The following NDUFAF5 variants were observed in gnomAD, a reference collection of about 807,000 sequenced individuals.
NDUFAF5 encodes arginine-hydroxylase NDUFAF5, mitochondrial.
Under a neutral mutation model 48.9 loss-of-function variants are expected in NDUFAF5, and 34 were observed. The ratio of observed to expected loss-of-function variants is 0.70; its 90% CI spans 0.53 to 0.93. NDUFAF5 has a LOEUF of 0.93. Ranked by LOEUF, NDUFAF5 falls within the 40% of genes least tolerant of loss-of-function variation. The pLI, the probability that NDUFAF5 is intolerant of heterozygous loss-of-function variation, is 0.00. For missense variants in NDUFAF5, 428 were observed against 427.5 expected (o/e 1.00, Z -0.01); for synonymous variants, 153 against 150.6 (o/e 1.02, Z -0.12).
Position 13,801,809 on chromosome 20 carries a change from C to T in NDUFAF5, c.717+126C>T, listed in dbSNP as rs1015518. ...ACTCTTTCTCTCCCTTTTTTTTTCTCTTTTTAAGGGAAAAGCTCTGATTGA... is the reference window on the plus strand; with the variant it reads ...ACTCTTTCTCTCCCTTTTTTTTTCTTTTTTTAAGGGAAAAGCTCTGATTGA... On this transcript the variant is annotated intron_variant, in intron 7 of 10. Coordinates refer to ENST00000378106, the MANE Select transcript of NDUFAF5 (RefSeq NM_024120.5). The T allele has an allele frequency of 1, 797,009 of 799,000 alleles. 397,510 individuals carry two copies. Among genetic ancestry groups the T allele is most frequent in the Middle Eastern group, 1 (3,028 of 3,028 alleles). 49.5% of individuals were successfully genotyped at this position (799,000 alleles called of 1,614,324 possible).
intron 5 of NDUFAF5, among the ~76,000 whole-genome samples, chr20:13,797,544 A>G (rs1464741147): frequency 1.3e-5 from 2 of 152,222 alleles, no homozygotes; most frequent in Non-Finnish European, 1.5e-5. Flanking sequence ...CAAACTCTGG[A>G]GACAGTGAAA....
intron 7 of NDUFAF5, among the ~76,000 whole-genome samples, chr20:13,804,767 T>C (rs1490265955): frequency 6.6e-6 from 1 of 152,246 alleles, no homozygotes; most frequent in East Asian, 1.9e-4. Context: ...GGTACTATCC[T>C]AGGTACTTCA....
At chr20:13,809,005 T>G (rs1303812722) in intron 8 of NDUFAF5, 103 bp downstream of exon 8, 19 of 791,090 alleles carry the variant, frequency 2.4e-5, no homozygotes, top group Non-Finnish European at 3.6e-5. Flanking sequence ...AGCCAGCTCT[T>G]TGGCAGGCAC....
rs1328239457 is a variant in NDUFAF5 at position 13,817,461 on chromosome 20, A to G, written c.*251A>G. On this transcript the variant is annotated 3_prime_UTR_variant, in exon 11 of 11. Transcript: ENST00000378106. ...AGCAAAGAAAATATTTCCCTAAAAT[A>G]TTTGCAAATAATGTTCACATATGTA... 1 of 599,678 alleles carries G rather than the reference A, an allele frequency of 1.7e-6. No individual in the cohort carries two copies. Among genetic ancestry groups the G allele is most frequent in the Non-Finnish European group, 3.1e-6 (1 of 322,878 alleles). 37.1% of individuals were successfully genotyped at this position (599,678 alleles called of 1,614,324 possible).
chr20:13,793,330 A>C (rs1417824076), intron 4 of NDUFAF5, 103 bp downstream of exon 4: 2 of 1,032,596 alleles, frequency 1.9e-6, no homozygotes, highest in East Asian at 2.5e-5. Context: ...CTTTTCTGAC[A>C]CATGAAAAGG....
intron 8 of NDUFAF5, 166 bp downstream of exon 8, chr20:13,809,068 G>T: frequency 1.6e-6 from 1 of 627,928 alleles, no homozygotes; most frequent in Non-Finnish European, 2.8e-6. Flanking sequence ...TGTCTTCATG[G>T]AGCTTCTGAT....
At chr20:13,814,048 A>G (rs1202374163) in intron 8 of NDUFAF5, 1 of 206,440 alleles carries the variant, frequency 4.8e-6, no homozygotes, top group Non-Finnish European at 1.0e-5. Flanking sequence ...TAGAGCTAAC[A>G]TGGTTAATCT....
rs779200422 is a variant in NDUFAF5, at chr20:13,808,903, G to A, written c.778+1G>A. 1.3e-6 allele frequency: 2 copies of A among 1,595,988 alleles called. No homozygotes were observed. Among genetic ancestry groups the A allele is most frequent in the Non-Finnish European group, 1.7e-6 (2 of 1,163,808 alleles). ...TTTGAATTGATGGAAGATTTACAAG[G>A]TAAGGCACTTTAAAGAATTTTTAGA... On this transcript the variant is annotated splice_donor_variant, in intron 8 of 10. Transcript: ENST00000378106. LOFTEE classifies it high-confidence loss of function.
At chr20:13,798,327 G>A (rs975059726) in intron 5 of NDUFAF5, 134 bp from the exon 6 acceptor site, 13 of 719,350 alleles carry the variant, frequency 1.8e-5, no homozygotes, top group Middle Eastern at 3.0e-4. Context: ...GTATGAAAAC[G>A]ATCAGTGGAT....
chr20:13,785,309 G>GGGGCGGCGGGGCGGCA lies in NDUFAF5; in HGVS notation c.222+33_222+34insCAGGGCGGCGGGGCGG. On this transcript the variant is annotated intron_variant, in intron 1 of 10. Transcript: ENST00000378106. ...GGAGGAGGTGAGCCCGCGGGGCGGCGGGGCGGCGGGGCGGGCGACGCGGAG... is the reference window on the plus strand; with the variant it reads ...GGAGGAGGTGAGCCCGCGGGGCGGCGGGGCGGCGGGGCGGCAGGGCGGCGGGGCGGGCGACGCGGAG... 6.4e-7 allele frequency: 1 copy of GGGGCGGCGGGGCGGCA among 1,574,396 alleles called. No homozygotes were observed. Among genetic ancestry groups the GGGGCGGCGGGGCGGCA allele is most frequent in the Non-Finnish European group, 8.7e-7 (1 of 1,155,312 alleles).
intron 6 of NDUFAF5, among the ~76,000 whole-genome samples, chr20:13,799,717 G>GAAAA (rs1330232001): frequency 1.3e-5 from 2 of 150,402 alleles, no homozygotes; most frequent in East Asian, 1.9e-4. Flanking sequence ...AAAAAAGAAA[G>GAAAA]AAACTGATGC....
intron 7 of NDUFAF5, chr20:13,801,894 A>C: frequency 2.0e-6 from 1 of 508,562 alleles, no homozygotes; most frequent in East Asian, 3.4e-5. Flanking sequence ...ATAATTTTTT[A>C]CTGTTACCTT....
At chr20:13,791,554 A>G (rs1198213669) in intron 3 of NDUFAF5, among the ~76,000 whole-genome samples, 2 of 152,226 alleles carry the variant, frequency 1.3e-5, no homozygotes, top group Non-Finnish European at 2.9e-5. Context: ...GGAAGAGCCA[A>G]TAAAGATGCC....
chr20:13,821,361 T>C lies in NDUFAF5; in HGVS notation c.*4151T>C, dbSNP rs904376964. ...CATATTGTAAGGCCACTCAACTCCA[T>C]GGAGAAGACCTAGAAGTGAGGAGCA... On this transcript the variant is annotated 3_prime_UTR_variant, in exon 11 of 11. Coordinates refer to ENST00000378106, the MANE Select transcript of NDUFAF5 (RefSeq NM_024120.5). 6.6e-6 allele frequency: 1 copy of C among 152,228 alleles called. No homozygotes were observed. Among genetic ancestry groups the C allele is most frequent in the African/African-American group, 2.4e-5 (1 of 41,450 alleles). 9.4% of individuals were successfully genotyped at this position (152,228 alleles called of 1,614,324 possible).
chr20:13,792,255 G>A (rs1382699348), intron 3 of NDUFAF5, among the ~76,000 whole-genome samples: 1 of 152,244 alleles, frequency 6.6e-6, no homozygotes, highest in African/African-American at 2.4e-5. Context: ...GCAACATCAT[G>A]TTGGTAGCAT....
Position 13,785,268 on chromosome 20 carries a change from A to G in NDUFAF5, c.200A>G (p.Lys67Arg). The change falls in exon 1 of 11, where the codon AAA becomes AGA. Residue 67 changes from lysine (K) to arginine (R), a missense_variant. Physicochemically the swap from Lys to Arg is conservative, Grantham distance 26. Transcript: ENST00000378106. ...NWAARQPEPT[K>R]FDYLKEEVGS... Reference sequence around the variant, plus strand: ...GCAGCCCGGCAGCCCGAGCCGACCAAATTTGACTACCTGAAGGAGGAGGTG... The same window carrying G: ...GCAGCCCGGCAGCCCGAGCCGACCAGATTTGACTACCTGAAGGAGGAGGTG... 6.2e-7 allele frequency: 1 copy of G among 1,609,304 alleles called. No individual in the cohort carries two copies. Among genetic ancestry groups the G allele is most frequent in the Non-Finnish European group, 8.5e-7 (1 of 1,177,234 alleles).
Position 13,817,149 on chromosome 20 carries a change from T to G in NDUFAF5, c.977T>G (p.Val326Gly). The change falls in exon 11 of 11, where the codon GTG becomes GGG. Residue 326 changes from valine (V) to glycine (G), a missense_variant. Physicochemically the swap from Val to Gly is moderately radical, Grantham distance 109. Coordinates refer to ENST00000378106, the MANE Select transcript of NDUFAF5 (RefSeq NM_024120.5). ...ARPAERGSAT[V>G]SFGELGKINN... is the part of the protein sequence containing the mutation. ...CCAGCTGAAAGAGGTTCCGCAACTG[T>G]GTCATTTGGAGAGCTAGGAAAAATA... is the stretch of plus-strand genomic sequence containing the variant. 1 of 1,613,974 alleles carries G rather than the reference T, an allele frequency of 6.2e-7. No individual in the cohort carries two copies. Among genetic ancestry groups the G allele is most frequent in the Non-Finnish European group, 8.5e-7 (1 of 1,179,938 alleles).
chr20:13,806,251 T>C (rs986719808), intron 7 of NDUFAF5, among the ~76,000 whole-genome samples: 7 of 152,236 alleles, frequency 4.6e-5, no homozygotes, highest in Admixed American at 4.6e-4. Context: ...CTCACGCCTC[T>C]AATCCTAACA....
intron 6 of NDUFAF5, 73 bp downstream of exon 6, chr20:13,798,573 T>C (rs1233935713): frequency 3.4e-6 from 4 of 1,161,426 alleles, no homozygotes; most frequent in Non-Finnish European, 3.9e-6. Flanking sequence ...GATGTTTCTA[T>C]TTTCACATAC....
Sources: gnomAD v4.1 joint callset for allele counts (sites outside exome capture counted in the v4.1 genomes callset) on GRCh38, gnomAD v4.1.1 for gene constraint, MANE v1.5 for transcripts, NCBI Gene and HGNC (gene_info 2026-07-23, HGNC 2026-07-21) for gene names.